PPM1G: variants seen among roughly 807,000 people sequenced by gnomAD.
The protein encoded by PPM1G is protein phosphatase 1G.
In PPM1G, 12 loss-of-function variants were observed where a neutral mutation model predicts 59.4. The observed-to-expected ratio is 0.20, with a 90% CI of 0.13 to 0.33. The LOEUF (loss-of-function observed/expected upper bound fraction) is 0.33, where lower values mean the gene tolerates loss of function less well. Among genes scored for constraint, PPM1G ranks in the 10% least tolerant of loss-of-function variants. The pLI is 1.00. For synonymous variants in PPM1G, 245 were observed against 251.9 expected, an observed-to-expected ratio of 0.97 and a Z score of 0.26; for missense variants, 392 against 681.3, an observed-to-expected ratio of 0.58 and a Z score of 4.73.
In PPM1G at chr2:27,384,042, C is replaced by T. The variant is rs759694629; in HGVS notation, c.876G>A (p.Glu292=). 3.7e-6 allele frequency: 6 copies of T among 1,611,616 alleles called. No individual in the cohort carries two copies. The highest frequency in any genetic ancestry group is 5.1e-6 in the Non-Finnish European group (6 of 1,178,836). ...CCTCCTCGGTGTCATCCTCATCTTC[C>T]TCATTCTCTGCCTCCTCACTGCTGT... The part of the protein sequence containing the change: ...DGYSSEEAEN[E]EDEDDTEEAE... Residue 292 remains glutamate, a synonymous_variant, in exon 6 of 10, where the codon GAG becomes GAA. Transcript: ENST00000344034. The surrounding 1 kb of genome is among the most constrained non-coding windows in gnomAD (Gnocchi z 4.8).
chr2:27,390,755 C>T (rs1683880379), intron 1 of PPM1G, among the ~76,000 whole-genome samples: 1 of 152,086 alleles, frequency 6.6e-6, no homozygotes, highest in African/African-American at 2.4e-5. Flanking sequence ...AACCCGTTTC[C>T]CAGGTGCTGG....
chr2:27,394,680 T>G (rs949338211), intron 1 of PPM1G, among the ~76,000 whole-genome samples: 1 of 145,086 alleles, frequency 6.9e-6, no homozygotes, highest in African/African-American at 2.6e-5. Context: ...GAGGCGGAGG[T>G]TGCAGTGAGC....
intron 1 of PPM1G, among the ~76,000 whole-genome samples, chr2:27,404,207 T>C (rs190928951): frequency 1.3e-5 from 2 of 152,206 alleles, no homozygotes; most frequent in South Asian, 2.1e-4. Context: ...AATTATACTA[T>C]AGATATTGAC....
At chr2:27,388,285 C>T (rs1379399524) in intron 1 of PPM1G, among the ~76,000 whole-genome samples, 5 of 151,306 alleles carry the variant, frequency 3.3e-5, no homozygotes, top group Non-Finnish European at 4.4e-5. Flanking sequence ...GGTGTGCGCC[C>T]GTAGTCCCAG....
intron 1 of PPM1G, among the ~76,000 whole-genome samples, chr2:27,407,902 C>G (rs1558323436): frequency 6.6e-6 from 1 of 151,994 alleles, no homozygotes; most frequent in Non-Finnish European, 1.5e-5. Context: ...ACAAAATAAG[C>G]CAGGCGTGGT....
At chr2:27,393,226 C>T in intron 1 of PPM1G, 1 of 1,565,340 alleles carries the variant, frequency 6.4e-7, no homozygotes, top group Non-Finnish European at 8.7e-7. Context: ...TTCTTCAAAG[C>T]CACATCATCG....
intron 1 of PPM1G, among the ~76,000 whole-genome samples, chr2:27,400,540 G>A (rs1166377829): frequency 1.3e-5 from 2 of 152,154 alleles, no homozygotes; most frequent in African/African-American, 2.4e-5. Flanking sequence ...GATTCCTTGA[G>A]GCCAGGGGTT....
chr2:27,409,199 C>G (rs946569049), intron 1 of PPM1G, 104 bp downstream of exon 1: 2 of 1,402,134 alleles, frequency 1.4e-6, no homozygotes, highest in Non-Finnish European at 1.9e-6. Context: ...CGGCCGCAGG[C>G]TCCCAATTGG....
At chr2:27,391,815 T>A (rs566920700) in intron 1 of PPM1G, among the ~76,000 whole-genome samples, 1 of 150,868 alleles carries the variant, frequency 6.6e-6, no homozygotes, top group South Asian at 2.1e-4. Context: ...CATCACAACC[T>A]CTGCCTCTCG....
Position 27,382,711 on chromosome 2 carries a change from A to C in PPM1G, c.1202-106T>G. On this transcript the variant is annotated intron_variant, in intron 7 of 9. Transcript: ENST00000344034. This position sits in a 1 kb window ranked among gnomAD's most constrained non-coding sequence, Gnocchi z 4.2. ...ATTTCCCTTCTTTACAAAGTTCCAT[A>C]ATCTAGTGGAATGGGGAACTGAGTC... is the stretch of plus-strand genomic sequence containing the variant. 2 of 1,394,002 alleles carry C rather than the reference A, an allele frequency of 1.4e-6. No individual in the cohort carries two copies. The highest frequency in any genetic ancestry group is 2.0e-6 in the Non-Finnish European group (2 of 1,010,386). The allele number at this position is 1,394,002 out of a possible 1,614,324, so 86.4% of individuals were successfully genotyped here.
chr2:27,394,987 T>C (rs1399133889), intron 1 of PPM1G, among the ~76,000 whole-genome samples: 1 of 151,882 alleles, frequency 6.6e-6, no homozygotes, highest in African/African-American at 2.4e-5. Flanking sequence ...CCCAACACTT[T>C]GGGAGGCCAA....
chr2:27,385,007 C>G lies in PPM1G; in HGVS notation c.491G>C (p.Cys164Ser). 6.2e-7 allele frequency: 1 copy of G among 1,614,140 alleles called. No homozygotes were observed. The highest frequency in any genetic ancestry group is 8.5e-7 in the Non-Finnish European group (1 of 1,180,044). ...TTTGCTGTGGGGAGGGCCCTTGTGA[C>G]AGTTCTGCCCGTAGCGTGTCAGCAG... ...EELLTRYGQN[C>S]HKGPPHSKSG... The change falls in exon 5 of 10, where the codon TGT (cysteine) becomes TCT (serine). Residue 164 changes from cysteine (C) to serine (S), a missense_variant. Cys to Ser is a moderately radical substitution (Grantham distance 112). Transcript: ENST00000344034. The surrounding 1 kb of genome is among the most constrained non-coding windows in gnomAD (Gnocchi z 4.1).
Position 27,381,616 on chromosome 2 carries a change from T to C in PPM1G, c.1624A>G (p.Lys542Glu), listed in dbSNP as rs142505060. ...EENGNSDKKKKAKRD is the reference protein window; with the variant it reads ...EENGNSDKKKEAKRD ...GATGACTGCTAGTCTCGCTTGGCCT[T>C]CTTCTTCTTGTCGCTGTTGCCATTT... is the stretch of plus-strand genomic sequence containing the variant. Residue 542 changes from lysine to glutamate, a missense_variant, in exon 10 of 10, where the codon AAG becomes GAG. Coordinates refer to ENST00000344034, the MANE Select transcript of PPM1G (RefSeq NM_177983.3). 6.0e-4 allele frequency: 969 copies of C among 1,611,710 alleles called. No homozygotes were observed. Among genetic ancestry groups the C allele is most frequent in the Non-Finnish European group, 7.4e-4 (875 of 1,178,352 alleles).
intron 1 of PPM1G, among the ~76,000 whole-genome samples, chr2:27,391,130 G>A (rs185116975): frequency 1.2e-3 from 179 of 152,320 alleles, no homozygotes; most frequent in Non-Finnish European, 2.1e-4. Flanking sequence ...ATTGTGAATG[G>A]TGCCACAATG....
At position 27,390,552 on chromosome 2, in the gene PPM1G, T is replaced by TCAA. The variant is rs530594101; in HGVS notation, c.121-3397_121-3395dup. 3.9e-5 allele frequency among the ~76,000 whole-genome samples: 6 copies of TCAA among 152,158 alleles called. No homozygotes were observed. The South Asian group carries it at 6.2e-4, about 16-fold the overall frequency. On this transcript the variant is annotated intron_variant, in intron 1 of 9. Coordinates refer to ENST00000344034, the MANE Select transcript of PPM1G (RefSeq NM_177983.3). ...CTGGGCAACATAGTGAGACCTCATC[T>TCAA]CAACAACAACAACAACATCCGTAAA... is the stretch of plus-strand genomic sequence containing the variant.
chr2:27,404,127 C>T (rs550127177), intron 1 of PPM1G, among the ~76,000 whole-genome samples: 2 of 152,034 alleles, frequency 1.3e-5, no homozygotes, highest in African/African-American at 4.8e-5. Context: ...TCTTTATAGT[C>T]AATTCTAGAT....
chr2:27,384,103 G>A lies in PPM1G; in HGVS notation c.826-11C>T, dbSNP rs1179305504. On this transcript the variant is annotated splice_polypyrimidine_tract_variant and intron_variant, in intron 5 of 9. Transcript: ENST00000344034. The surrounding 1 kb of genome is among the most constrained non-coding windows in gnomAD (Gnocchi z 4.8). ...TTCCTCGCTGCATTCCTGCCAGGGG[G>A]AGGATCCCAGACTGCTGAGACTGGG... 2 of 1,613,976 alleles carry A rather than the reference G, an allele frequency of 1.2e-6. No homozygotes were observed. The highest frequency in any genetic ancestry group is 3.3e-5 in the Admixed American group (2 of 60,010).
chr2:27,397,773 G>T (rs766619644), intron 1 of PPM1G, among the ~76,000 whole-genome samples: 27 of 152,166 alleles, frequency 1.8e-4, no homozygotes, highest in Non-Finnish European at 1.2e-4. Context: ...GAAGGCTGAG[G>T]CAGGCGGATC....
Position 27,385,456 on chromosome 2 carries a change from G to A in PPM1G, c.409+291C>T. ...GCTATTGGGGCTAATAACTGCTCCA[G>A]TCTTGAGGGGAAAAAAAAGCACATA... On this transcript the variant is annotated intron_variant, in intron 4 of 9. Coordinates refer to ENST00000344034, the MANE Select transcript of PPM1G (RefSeq NM_177983.3). This position sits in a 1 kb window ranked among gnomAD's most constrained non-coding sequence, Gnocchi z 4.1. The A allele has an allele frequency of 4.6e-6, 2 of 432,670 alleles. No individual in the cohort carries two copies. The highest frequency in any genetic ancestry group is 8.1e-6 in the Non-Finnish European group (2 of 246,828). 26.8% of individuals were successfully genotyped at this position (432,670 alleles called of 1,614,324 possible). A position where few individuals can be genotyped will look rare whatever the true frequency, so the allele number is the denominator to read the frequency against.
Sources: allele counts gnomAD v4.1 joint callset (sites outside exome capture counted in the v4.1 genomes callset), GRCh38; gene constraint gnomAD v4.1.1; non-coding constraint Gnocchi (gnomAD v3.1); transcripts MANE v1.5; gene names NCBI Gene and HGNC (gene_info 2026-07-23, HGNC 2026-07-21).